CACTIN: variants seen among roughly 807,000 people sequenced by gnomAD.
CACTIN encodes splicing factor Cactin.
A neutral mutation model predicts 84.9 loss-of-function variants in CACTIN; 20 were observed. That is an observed-to-expected ratio of 0.24 (90% CI 0.17 to 0.34). CACTIN has a LOEUF of 0.34. CACTIN is among the 10% of genes least tolerant of loss of function. The pLI is 1.00. For missense variants in CACTIN, 897 were observed against 1,117.2 expected (o/e 0.80, Z 2.81); for synonymous variants, 549 against 467.9 (o/e 1.17, Z -2.24).
chr19:3,620,999 C>T, intron 2 of CACTIN, 197 bp from the exon 3 acceptor site: 2 of 690,490 alleles, frequency 2.9e-6, no homozygotes, highest in Non-Finnish European at 5.3e-6. Flanking sequence ...GGAGCCCCCA[C>T]TGGGAGTGAG....
At chr19:3,614,849 G>A (rs968863801) in intron 6 of CACTIN, 25 of 553,324 alleles carry the variant, frequency 4.5e-5, no homozygotes, top group East Asian at 6.3e-5. Context: ...GGCCCCCAGC[G>A]TGGGGGAGGC....
At chr19:3,619,347 G>C in intron 4 of CACTIN, 105 bp from the exon 5 acceptor site, 1 of 1,370,672 alleles carries the variant, frequency 7.3e-7, no homozygotes, top group African/African-American at 1.4e-5. Flanking sequence ...GGAGGGGCCT[G>C]ACCCGTTGGG....
chr19:3,612,880 T>C, intron 9 of CACTIN, 178 bp downstream of exon 9: 1 of 815,676 alleles, frequency 1.2e-6, no homozygotes. Flanking sequence ...CCAGGATGAA[T>C]GAAGGAACGC....
chr19:3,623,500 G>T (rs1599895183), intron 2 of CACTIN, among the ~76,000 whole-genome samples, 188 bp downstream of exon 2: 1 of 152,208 alleles, frequency 6.6e-6, no homozygotes, highest in Admixed American at 6.5e-5. Context: ...CTTCACTCCA[G>T]CCTGGGCGAC....
chr19:3,612,952 G>A (rs985831554), intron 9 of CACTIN, 106 bp downstream of exon 9: 4 of 1,332,954 alleles, frequency 3.0e-6, no homozygotes, highest in Non-Finnish European at 4.2e-6. Context: ...GCAGCAAGCA[G>A]CTCCCCACTG....
rs371817592 is a variant in CACTIN at position 3,619,167 on chromosome 19, G to A, written c.960C>T (p.Asp320=). The change falls in exon 5 of 10, where the codon GAC becomes GAT. Residue 320 remains aspartate (D), a synonymous_variant. Coordinates refer to ENST00000429344, the MANE Select transcript of CACTIN (RefSeq NM_001080543.2). Reference sequence around the variant, plus strand: ...GCTCATGCATCTCCACGGCCAGATCGTCATCCTCAGCGCTGATGTACTTGG... The same window carrying A: ...GCTCATGCATCTCCACGGCCAGATCATCATCCTCAGCGCTGATGTACTTGG... The part of the protein sequence containing the change: ...LLAKYISAED[D]DLAVEMHEPY... 6.9e-5 allele frequency: 111 copies of A among 1,612,398 alleles called. No homozygotes were observed. Among genetic ancestry groups the A allele is most frequent in the East Asian group, 2.7e-4 (12 of 44,856 alleles).
At chr19:3,620,586 G>A (rs2033202444) in intron 3 of CACTIN, 121 bp downstream of exon 3, 4 of 761,142 alleles carry the variant, frequency 5.3e-6, no homozygotes, top group Non-Finnish European at 8.4e-6. Context: ...CCTGGATCCA[G>A]CCTTACCTGA....
intron 9 of CACTIN, chr19:3,612,835 C>T: frequency 1.4e-6 from 1 of 721,792 alleles, no homozygotes; most frequent in South Asian, 1.5e-5. Context: ...AAAGCTTCCA[C>T]CACCTGTGGC....
chr19:3,613,173 G>T lies in CACTIN; in HGVS notation c.1671C>A (p.Gly557=). 1 of 1,611,204 alleles carries T rather than the reference G, an allele frequency of 6.2e-7. No homozygotes were observed. The highest frequency in any genetic ancestry group is 2.2e-5 in the East Asian group (1 of 44,850). The stretch of plus-strand genomic sequence containing the variant: ...CCGTGAGCAGCCGCGGGCTGTACCT[G>T]CCGGCGTCGTAGTCGTCCAGGCTCT... ...IQQSLDDYDA[G]RYSPRLLTAH... Residue 557 remains glycine (G), a synonymous_variant, in exon 9 of 10, where the codon GGC becomes GGA. Transcript: ENST00000429344.
chr19:3,615,018 G>A lies in CACTIN; in HGVS notation c.1163-429C>T, dbSNP rs948266406. 4 of 263,320 alleles carry A rather than the reference G, an allele frequency of 1.5e-5. No homozygotes were observed. The highest frequency in any genetic ancestry group is 3.0e-5 in the Non-Finnish European group (4 of 134,140). 16.3% of individuals were successfully genotyped at this position (263,320 alleles called of 1,614,324 possible). A position where few individuals can be genotyped will look rare whatever the true frequency, so the allele number is the denominator to read the frequency against. ...GTGTGCTCGGTAGCCAGGCTCTCTG[G>A]AATTCAGATCTTCTCTGCCAGCCTG... On this transcript the variant is annotated intron_variant, in intron 6 of 9. Coordinates refer to ENST00000429344, the MANE Select transcript of CACTIN (RefSeq NM_001080543.2). The surrounding 1 kb of genome is among the most constrained non-coding windows in gnomAD (Gnocchi z 5.2).
intron 2 of CACTIN, 191 bp from the exon 3 acceptor site, chr19:3,620,993 C>T: frequency 1.4e-6 from 1 of 693,490 alleles, no homozygotes; most frequent in Middle Eastern, 2.3e-4. Flanking sequence ...AGACATGGAG[C>T]CCCCACTGGG....
At position 3,614,251 on chromosome 19, in the gene CACTIN, G is replaced by A. The variant is rs1234031893; in HGVS notation, c.1355+146C>T. ...GCCCCCCTTCGTCACTCACAGGCTG[G>A]CCCCGGCCAGTCGGCACTTTCCTGC... On this transcript the variant is annotated intron_variant, in intron 7 of 9. Transcript: ENST00000429344. 4.7e-6 allele frequency: 4 copies of A among 849,452 alleles called. No individual in the cohort carries two copies. The African/African-American group carries it at 5.0e-5, about 11-fold the overall frequency. 52.6% of individuals were successfully genotyped at this position (849,452 alleles called of 1,614,324 possible).
chr19:3,620,367 G>C (rs1261797859), intron 3 of CACTIN, 95 bp from the exon 4 acceptor site: 4 of 1,348,764 alleles, frequency 3.0e-6, no homozygotes, highest in Admixed American at 2.0e-5. Context: ...CCTTCACCCA[G>C]CTGCCCTGGG....
intron 3 of CACTIN, 59 bp downstream of exon 3, chr19:3,620,648 G>A: frequency 7.2e-7 from 1 of 1,385,074 alleles, no homozygotes; most frequent in Non-Finnish European, 9.9e-7. Flanking sequence ...GCCAAAGGGG[G>A]CGGGCCTCCA....
chr19:3,613,521 A>C lies in CACTIN; in HGVS notation c.1421T>G (p.Val474Gly). 1 of 1,590,230 alleles carries C rather than the reference A, an allele frequency of 6.3e-7. No homozygotes were observed. The highest frequency in any genetic ancestry group is 8.5e-7 in the Non-Finnish European group (1 of 1,173,136). Reference protein sequence around the residue: ...KLYKLKQEQGVESEPLFPILK... With the variant: ...KLYKLKQEQGGESEPLFPILK... ...GATGGGGAACAGCGGCTCGCTCTCC[A>C]CGCCCTGCTCCTGCTTCAGTTTGTA... The change falls in exon 8 of 10, where the codon GTG becomes GGG. Residue 474 changes from valine (V) to glycine (G), a missense_variant. By Grantham distance (109) the Val-to-Gly change is moderately radical. Coordinates refer to ENST00000429344, the MANE Select transcript of CACTIN (RefSeq NM_001080543.2).
chr19:3,619,589 G>A (rs1339316909), intron 4 of CACTIN, among the ~76,000 whole-genome samples: 1 of 152,204 alleles, frequency 6.6e-6, no homozygotes, highest in African/African-American at 2.4e-5. Context: ...GAGGCAGGCT[G>A]GGGGACCAGA....
intron 1 of CACTIN, 78 bp from the exon 2 acceptor site, chr19:3,624,240 G>A: frequency 1.5e-6 from 2 of 1,310,360 alleles, no homozygotes; most frequent in South Asian, 1.4e-5. Context: ...GGTGCCCGTG[G>A]GGGAGCAGGC....
At chr19:3,614,875 G>T (rs553944037) in intron 6 of CACTIN, 60 of 504,766 alleles carry the variant, frequency 1.2e-4, no homozygotes, top group Admixed American at 1.1e-3. Context: ...CTGGCCCTGA[G>T]AATGCCCCTC....
intron 4 of CACTIN, 105 bp downstream of exon 4, chr19:3,620,022 G>C (rs1433266884): frequency 2.7e-5 from 37 of 1,362,286 alleles, no homozygotes; most frequent in Non-Finnish European, 3.7e-5. Flanking sequence ...AGGAAGTGCC[G>C]TGTGGGACCC....
Sources: gnomAD v4.1 joint callset for allele counts (sites outside exome capture counted in the v4.1 genomes callset) on GRCh38, gnomAD v4.1.1 for gene constraint, Gnocchi (gnomAD v3.1) non-coding constraint, MANE v1.5 for transcripts, NCBI Gene and HGNC (gene_info 2026-07-23, HGNC 2026-07-21) for gene names.